The following KLHDC4 variants were observed in gnomAD, a reference collection of about 807,000 sequenced individuals.
The protein encoded by KLHDC4 is kelch domain containing 4.
Under a neutral mutation model 62.4 loss-of-function variants are expected in KLHDC4, and 90 were observed. The observed-to-expected ratio is 1.44, with a 90% CI of 1.22 to 1.72. The LOEUF (loss-of-function observed/expected upper bound fraction) is 1.72, where lower values mean the gene tolerates loss of function less well. Ranked by LOEUF, KLHDC4 falls within the 40% of genes most tolerant of loss-of-function variation. KLHDC4 has a pLI of 0.00. For missense variants in KLHDC4, 1,025 were observed against 699.7 expected, an observed-to-expected ratio of 1.47 and a Z score of -5.25; for synonymous variants, 386 against 284.4, an observed-to-expected ratio of 1.36 and a Z score of -3.59.
At chr16:87,751,309 AC>A (rs1191035417) in intron 4 of KLHDC4, among the ~76,000 whole-genome samples, 2 of 152,052 alleles carry the variant, frequency 1.3e-5, no homozygotes, top group Non-Finnish European at 2.9e-5. Flanking sequence ...CCCTGTCTGT[AC>A]TAAAAATATA....
chr16:87,716,703 G>A (rs893393849), intron 7 of KLHDC4, among the ~76,000 whole-genome samples: 1 of 152,130 alleles, frequency 6.6e-6, no homozygotes, highest in East Asian at 1.9e-4. Flanking sequence ...GGCCGAGGGG[G>A]GTAGACCATG....
At position 87,711,378 on chromosome 16, in the gene KLHDC4, C is replaced by G; in HGVS notation, c.901G>C (p.Val301Leu). 1 of 1,613,764 alleles carries G rather than the reference C, an allele frequency of 6.2e-7. No homozygotes were observed. The highest frequency in any genetic ancestry group is 8.5e-7 in the Non-Finnish European group (1 of 1,180,026). ...GTCTGGTGATTCGGGGCCATGGCCA[C>G]GGAAAAGCCAGACCGTGGGGTGGGC... ...VKPTPRSGFS[V>L]AMAPNHQTLF... is the part of the protein sequence containing the mutation. The change falls in exon 9 of 12, where the codon GTG becomes CTG. Residue 301 changes from valine (V) to leucine (L), a missense_variant. Val to Leu is a conservative substitution (Grantham distance 32, BLOSUM62 1). Coordinates refer to ENST00000270583, the MANE Select transcript of KLHDC4 (RefSeq NM_017566.4).
chr16:87,722,721 G>T (rs2038633423), intron 7 of KLHDC4, among the ~76,000 whole-genome samples: 1 of 152,248 alleles, frequency 6.6e-6, no homozygotes. Flanking sequence ...GACCATGGGG[G>T]TTCTGCATAG....
At chr16:87,713,635 C>G (rs893228061) in intron 8 of KLHDC4, among the ~76,000 whole-genome samples, 1 of 152,144 alleles carries the variant, frequency 6.6e-6, no homozygotes, top group Middle Eastern at 3.2e-3. Flanking sequence ...CGGGCAGCCA[C>G]TGGCAGGAAA....
intron 5 of KLHDC4, among the ~76,000 whole-genome samples, chr16:87,731,901 G>C (rs547706546): frequency 1.5e-4 from 23 of 152,270 alleles, no homozygotes; most frequent in African/African-American, 5.3e-4. Flanking sequence ...CAATGTGAAT[G>C]AATCTTAAAA....
intron 4 of KLHDC4, among the ~76,000 whole-genome samples, chr16:87,751,374 T>G (rs188114238): frequency 1.7e-4 from 26 of 151,674 alleles, no homozygotes; most frequent in African/African-American, 6.3e-4. Flanking sequence ...CTTGGGAGGC[T>G]GAGGCAGGAG....
intron 4 of KLHDC4, among the ~76,000 whole-genome samples, chr16:87,753,807 GA>G (rs34945685): frequency 0.3 from 38,786 of 128,576 alleles, 5,760 homozygotes; most frequent in African/African-American, 0.43. Flanking sequence ...ATCTCAAGGA[GA>G]AAAAAAAAAA....
rs117921725 is a variant in KLHDC4 at position 87,728,162 on chromosome 16, G to A, written c.600-1238C>T. Among the ~76,000 whole-genome samples the A allele has an allele frequency of 5.9e-3, 898 of 152,310 alleles. 6 individuals are homozygous for A. The highest frequency in any genetic ancestry group is 0.01 in the Non-Finnish European group (712 of 68,034). Reference sequence around the variant, plus strand: ...ATCACGCCACTGCACTCCAGCCTGGGCGATCGAGTGAGAATCTGTCTCAAA... The same window carrying A: ...ATCACGCCACTGCACTCCAGCCTGGACGATCGAGTGAGAATCTGTCTCAAA... On this transcript the variant is annotated intron_variant, in intron 6 of 11. Transcript: ENST00000270583.
intron 5 of KLHDC4, among the ~76,000 whole-genome samples, chr16:87,744,818 C>G (rs369728876): frequency 2.6e-5 from 4 of 152,162 alleles, no homozygotes; most frequent in Non-Finnish European, 5.9e-5. Flanking sequence ...GTACAGTGTG[C>G]ACGCACCAGG....
chr16:87,751,395 G>C (rs922440046), intron 4 of KLHDC4, among the ~76,000 whole-genome samples: 1 of 151,566 alleles, frequency 6.6e-6, no homozygotes, highest in African/African-American at 2.4e-5. Context: ...AATCGCTTGA[G>C]CCTGGGAGGC....
intron 5 of KLHDC4, among the ~76,000 whole-genome samples, chr16:87,737,003 T>A (rs1172679107): frequency 7.0e-6 from 1 of 143,796 alleles, no homozygotes; most frequent in African/African-American, 2.6e-5. Context: ...TAGGCACCTG[T>A]AATCCCAGCT....
exon 1 of KLHDC4, chr16:87,701,143 T>TG (rs1454272366): frequency 2.4e-5 from 4 of 167,592 alleles, no homozygotes; most frequent in Non-Finnish European, 4.9e-5. Context: ...GCACAGCGCG[T>TG]GGGGGGTGGG....
chr16:87,724,362 G>A (rs370873864), intron 7 of KLHDC4, among the ~76,000 whole-genome samples: 6 of 152,172 alleles, frequency 3.9e-5, no homozygotes, highest in Non-Finnish European at 7.3e-5. Context: ...AAAGAAAAAC[G>A]TAATAAATTA....
intron 3 of KLHDC4, 40 bp from the exon 4 acceptor site, chr16:87,755,332 C>G (rs371610119): frequency 1.9e-6 from 2 of 1,064,756 alleles, no homozygotes; most frequent in East Asian, 2.4e-5. Flanking sequence ...ACAAATGATA[C>G]GCTTCCAAGG....
At chr16:87,754,970 A>G (rs1301469901) in intron 4 of KLHDC4, among the ~76,000 whole-genome samples, 2 of 152,172 alleles carry the variant, frequency 1.3e-5, no homozygotes, top group Non-Finnish European at 2.9e-5. Flanking sequence ...TTTACATGGA[A>G]TATTTCATGT....
At chr16:87,761,155 A>G (rs910311433) in intron 2 of KLHDC4, among the ~76,000 whole-genome samples, 4 of 152,244 alleles carry the variant, frequency 2.6e-5, no homozygotes, top group African/African-American at 9.6e-5. Flanking sequence ...ACCAGGAAGG[A>G]CACTGGCCTT....
At chr16:87,722,312 C>G (rs1438257391) in intron 7 of KLHDC4, among the ~76,000 whole-genome samples, 1 of 152,198 alleles carries the variant, frequency 6.6e-6, no homozygotes, top group Non-Finnish European at 1.5e-5. Flanking sequence ...CAAGGCTACT[C>G]AGATGCATCT....
downstream of KLHDC4, among the ~76,000 whole-genome samples, chr16:87,706,326 G>A (rs566987538): frequency 3.6e-3 from 500 of 137,524 alleles, 5 homozygotes; most frequent in African/African-American, 0.013. Context: ...TGCAGCCCTC[G>A]GAGAGGGGGA....
intron 4 of KLHDC4, 63 bp downstream of exon 4, chr16:87,755,131 G>T (rs762689039): frequency 3.0e-5 from 34 of 1,131,332 alleles, no homozygotes; most frequent in Non-Finnish European, 4.3e-5. Context: ...TCAACTCTCC[G>T]TGTGTCTACC....
Sources: allele counts gnomAD v4.1 joint callset (sites outside exome capture counted in the v4.1 genomes callset), GRCh38; gene constraint gnomAD v4.1.1; transcripts MANE v1.5; gene names NCBI Gene and HGNC (gene_info 2026-07-23, HGNC 2026-07-21).